Variants in CSMD1 observed in about 807,000 individuals in gnomAD.
CSMD1 encodes CUB and Sushi multiple domains 1.
In CSMD1, 213 loss-of-function variants were observed where a neutral mutation model predicts 417.5. The ratio of observed to expected loss-of-function variants is 0.51; its 90% CI spans 0.46 to 0.57. The LOEUF (loss-of-function observed/expected upper bound fraction) is 0.57. Among genes scored for constraint, CSMD1 ranks in the 20% least tolerant of loss-of-function variants. CSMD1 has a pLI of 0.00. For missense variants in CSMD1, 6,923 were observed against 4,529.7 expected (o/e 1.53, Z -15.17); for synonymous variants, 2,862 against 1,736.8 (o/e 1.65, Z -16.11).
intron 1 of CSMD1, among the ~76,000 whole-genome samples, chr8:4,972,328 C>A (rs1175500596): frequency 6.6e-6 from 1 of 152,080 alleles, no homozygotes; most frequent in Non-Finnish European, 1.5e-5. Context: ...CCGATAATCC[C>A]CAAGTGTCAA....
At chr8:3,765,603 G>C (rs771856189) in intron 5 of CSMD1, among the ~76,000 whole-genome samples, 37 of 152,266 alleles carry the variant, frequency 2.4e-4, no homozygotes, top group Middle Eastern at 3.4e-3. Flanking sequence ...TTTTATTTTT[G>C]CTCCTAATGT....
chr8:4,717,988 T>C (rs1186213348), intron 1 of CSMD1, among the ~76,000 whole-genome samples: 1 of 152,172 alleles, frequency 6.6e-6, no homozygotes, highest in East Asian at 1.9e-4. Flanking sequence ...TATTTTATTA[T>C]TTGTTTTGAG....
chr8:3,879,604 G>A (rs1231971262), intron 5 of CSMD1, among the ~76,000 whole-genome samples: 1 of 152,076 alleles, frequency 6.6e-6, no homozygotes, highest in Non-Finnish European at 1.5e-5. Context: ...AATGAGATTT[G>A]CTTTTATTAA....
In CSMD1 at chr8:3,939,969, C is replaced by G. The variant is rs370300340; in HGVS notation, c.818+57934G>C. ...TCAGAAATCACCACTAAAGAACTTA[C>G]CCATGTAACCAAAAACCACCTGTAC... is the stretch of plus-strand genomic sequence containing the variant. On this transcript the variant is annotated intron_variant, in intron 5 of 69. Transcript: ENST00000635120. Among the ~76,000 whole-genome samples the G allele has an allele frequency of 3.3e-5, 5 of 152,022 alleles. No individual in the cohort carries two copies. The East Asian group carries it at 7.7e-4, about 24-fold the overall frequency.
chr8:3,006,449 G>C (rs1053680213), intron 52 of CSMD1, among the ~76,000 whole-genome samples: 9 of 151,966 alleles, frequency 5.9e-5, no homozygotes, highest in Non-Finnish European at 1.2e-4. Context: ...AACCAAAAAA[G>C]AGCCCGAATC....
intron 3 of CSMD1, among the ~76,000 whole-genome samples, chr8:4,059,649 A>T (rs2130732382): frequency 6.6e-6 from 1 of 152,320 alleles, no homozygotes; most frequent in South Asian, 2.1e-4. Flanking sequence ...CTGCCATCAG[A>T]GAATACTACA....
At chr8:4,437,333 A>T (rs1487165225) in intron 2 of CSMD1, among the ~76,000 whole-genome samples, 1 of 152,224 alleles carries the variant, frequency 6.6e-6, no homozygotes, top group Admixed American at 6.5e-5. Context: ...GCTTGTTTTA[A>T]AAAGAAAATA....
chr8:3,324,923 A>C (rs1412360968), intron 23 of CSMD1, among the ~76,000 whole-genome samples: 1 of 152,152 alleles, frequency 6.6e-6, no homozygotes, highest in Non-Finnish European at 1.5e-5. Context: ...ACTGGAATTT[A>C]ATTGACAGGA....
intron 5 of CSMD1, among the ~76,000 whole-genome samples, chr8:3,968,556 T>C (rs1455554399): frequency 6.6e-6 from 1 of 152,186 alleles, no homozygotes; most frequent in African/African-American, 2.4e-5. Context: ...TTCAGAAGGT[T>C]TGAACAATAA....
At chr8:3,578,163 A>G (rs1005636388) in intron 9 of CSMD1, among the ~76,000 whole-genome samples, 2 of 152,250 alleles carry the variant, frequency 1.3e-5, no homozygotes, top group African/African-American at 4.8e-5. Flanking sequence ...CCAGAAGGGT[A>G]TAATTTCTCA....
intron 7 of CSMD1, among the ~76,000 whole-genome samples, chr8:3,620,454 A>C (rs1482242088): frequency 1.3e-5 from 2 of 152,174 alleles, no homozygotes; most frequent in Non-Finnish European, 2.9e-5. Context: ...TAAATGCATA[A>C]AATAATTATG....
chr8:3,752,230 G>A (rs1425590712), intron 6 of CSMD1, among the ~76,000 whole-genome samples: 2 of 150,406 alleles, frequency 1.3e-5, no homozygotes, highest in Non-Finnish European at 3.0e-5. Context: ...CCAGGTGAAG[G>A]GAAAGCACAT....
chr8:3,587,016 T>C (rs1800632201), intron 8 of CSMD1, among the ~76,000 whole-genome samples: 1 of 152,156 alleles, frequency 6.6e-6, no homozygotes, highest in African/African-American at 2.4e-5. Context: ...GCCAGGCTGG[T>C]CTTCAACTCC....
At chr8:3,940,919 ATATG>A (rs1434105239) in intron 5 of CSMD1, among the ~76,000 whole-genome samples, 8 of 151,604 alleles carry the variant, frequency 5.3e-5, no homozygotes, top group African/African-American at 1.9e-4. Flanking sequence ...CATTTAAAAT[ATATG>A]TATGTATTTG....
chr8:4,887,174 C>T (rs1310686770), intron 1 of CSMD1, among the ~76,000 whole-genome samples: 1 of 152,010 alleles, frequency 6.6e-6, no homozygotes, highest in African/African-American at 2.4e-5. Flanking sequence ...TATGTTCAGT[C>T]ATTATATGCC....
chr8:4,847,999 C>T (rs1395859284), intron 1 of CSMD1, among the ~76,000 whole-genome samples: 1 of 152,110 alleles, frequency 6.6e-6, no homozygotes, highest in Non-Finnish European at 1.5e-5. Context: ...TTCCAGGGCC[C>T]GAACAACAAC....
chr8:3,220,388 G>A (rs1422741270), intron 28 of CSMD1, among the ~76,000 whole-genome samples: 1 of 152,134 alleles, frequency 6.6e-6, no homozygotes, highest in Non-Finnish European at 1.5e-5. Flanking sequence ...AAGGTGTCAA[G>A]GGCTGGGCTG....
chr8:3,966,659 T>C (rs1413144580), intron 5 of CSMD1, among the ~76,000 whole-genome samples: 1 of 152,136 alleles, frequency 6.6e-6, no homozygotes, highest in South Asian at 2.1e-4. Flanking sequence ...GCAAAGACCA[T>C]GTGCTGTGTT....
intron 3 of CSMD1, among the ~76,000 whole-genome samples, chr8:4,384,916 C>T (rs1803346746): frequency 6.6e-6 from 1 of 152,164 alleles, no homozygotes; most frequent in Admixed American, 6.6e-5. Flanking sequence ...TGGATGGCTT[C>T]CAGATCAAGG....
Sources: gnomAD v4.1 joint callset for allele counts (sites outside exome capture counted in the v4.1 genomes callset) on GRCh38, gnomAD v4.1.1 for gene constraint, MANE v1.5 for transcripts, NCBI Gene and HGNC (gene_info 2026-07-23, HGNC 2026-07-21) for gene names.